VIPR1: variants seen among roughly 807,000 people sequenced by gnomAD.
VIPR1 encodes the protein vasoactive intestinal polypeptide receptor 1.
Under a neutral mutation model 58.8 loss-of-function variants are expected in VIPR1, and 59 were observed. The ratio of observed to expected loss-of-function variants is 1.00; its 90% CI spans 0.81 to 1.25. VIPR1 has a LOEUF of 1.25. Among genes scored for constraint, VIPR1 ranks in the 50% most tolerant of loss-of-function variants. The pLI, the probability that VIPR1 is intolerant of heterozygous loss-of-function variation, is 0.00. For missense variants in VIPR1, 626 were observed against 602.7 expected, an observed-to-expected ratio of 1.04 and a Z score of -0.40; for synonymous variants, 251 against 242.1, an observed-to-expected ratio of 1.04 and a Z score of -0.34.
At chr3:42,527,340 T>G (rs1180727525) in intron 4 of VIPR1, 53 bp from the exon 5 acceptor site, 2 of 1,269,844 alleles carry the variant, frequency 1.6e-6, no homozygotes, top group Non-Finnish European at 2.2e-6. Context: ...CAATACCCCC[T>G]AGATGAGCCT....
At chr3:42,510,295 T>C (rs1700302557) in intron 1 of VIPR1, among the ~76,000 whole-genome samples, 1 of 152,202 alleles carries the variant, frequency 6.6e-6, no homozygotes, top group South Asian at 2.1e-4. Context: ...GAGTACAGCA[T>C]ACCCATTCTG....
chr3:42,516,073 G>A (rs1219988038), intron 2 of VIPR1, among the ~76,000 whole-genome samples: 1 of 152,146 alleles, frequency 6.6e-6, no homozygotes, highest in Non-Finnish European at 1.5e-5. Flanking sequence ...ACATGTCAGT[G>A]TGTGTATCTC....
intron 6 of VIPR1, chr3:42,529,362 G>A (rs1264074179): frequency 6.6e-6 from 1 of 151,362 alleles, no homozygotes; most frequent in African/African-American, 2.4e-5. Flanking sequence ...CTACTCAGAA[G>A]GCTGAGGCAG....
At position 42,530,925 on chromosome 3, in the gene VIPR1, C is replaced by A. The variant is rs200387870; in HGVS notation, c.783C>A (p.Ile261=). 3.1e-6 allele frequency: 5 copies of A among 1,613,850 alleles called. No homozygotes were observed. The African/African-American group carries it at 6.7e-5, about 22-fold the overall frequency. ...ERKYFWGYIL[I]GWGVPSTFTM... Reference sequence around the variant, plus strand: ...AGTACTTCTGGGGGTACATACTCATCGGCTGGGGTATGGTACCAGGGAGGG... The same window carrying A: ...AGTACTTCTGGGGGTACATACTCATAGGCTGGGGTATGGTACCAGGGAGGG... Residue 261 remains isoleucine, a synonymous_variant, in exon 7 of 13, where the codon ATC becomes ATA. Coordinates refer to ENST00000325123, the MANE Select transcript of VIPR1 (RefSeq NM_004624.4).
intron 2 of VIPR1, among the ~76,000 whole-genome samples, chr3:42,518,512 G>A (rs1396461431): frequency 6.6e-6 from 1 of 152,224 alleles, no homozygotes; most frequent in Non-Finnish European, 1.5e-5. Context: ...GCCAAGGTGG[G>A]AGGATCACTT....
chr3:42,499,962 T>G (rs1699836327), upstream of VIPR1: 1 of 152,242 alleles, frequency 6.6e-6, no homozygotes, highest in African/African-American at 2.4e-5. Flanking sequence ...TAATGTTGGT[T>G]GAATTTTTTA....
At position 42,527,303 on chromosome 3, in the gene VIPR1, A is replaced by G. The variant is rs953723710; in HGVS notation, c.400-90A>G. The G allele has an allele frequency of 2.4e-5, 30 of 1,244,308 alleles. No individual in the cohort carries two copies. In the African/African-American group the frequency reaches 4.2e-4, roughly 17 times the overall value. The allele number at this position is 1,244,308 out of a possible 1,614,324, so 77.1% of individuals were successfully genotyped here. ...TTTGCTGAGGCAGGGTTGGGCAGGCAGAGTGTGTAGGGCACCCCACCCCTG... is the reference window on the plus strand; with the variant it reads ...TTTGCTGAGGCAGGGTTGGGCAGGCGGAGTGTGTAGGGCACCCCACCCCTG... On this transcript the variant is annotated intron_variant, in intron 4 of 12. Coordinates refer to ENST00000325123, the MANE Select transcript of VIPR1 (RefSeq NM_004624.4).
At chr3:42,516,530 T>C (rs1700635561) in intron 2 of VIPR1, 1 of 152,248 alleles carries the variant, frequency 6.6e-6, no homozygotes, top group African/African-American at 2.4e-5. Context: ...TTTCCTCTCT[T>C]CTGTCCCACT....
At chr3:42,495,224 C>T (rs551286014) in intron 1 of VIPR1, among the ~76,000 whole-genome samples, 22 of 152,150 alleles carry the variant, frequency 1.4e-4, no homozygotes, top group Admixed American at 4.6e-4. Context: ...CGGGTTCAAG[C>T]GATTCTCCTG....
In VIPR1 at chr3:42,536,460, CT is replaced by C. The variant is rs1701857055; in HGVS notation, c.*180del. Reference sequence around the variant, plus strand: ...TAGAGAACGCAGCCCTAGAGCCTGCCTGGAGCGTTTCTAGCAAGTGAGAGAG... The same window carrying C: ...TAGAGAACGCAGCCCTAGAGCCTGCCGGAGCGTTTCTAGCAAGTGAGAGAG... On this transcript the variant is annotated 3_prime_UTR_variant, in exon 13 of 13. Transcript: ENST00000325123. The C allele has an allele frequency of 5.1e-6, 3 of 585,596 alleles. No individual in the cohort carries two copies. In the East Asian group the frequency reaches 1.0e-4, roughly 20 times the overall value. 36.3% of individuals were successfully genotyped at this position (585,596 alleles called of 1,614,324 possible).
At chr3:42,509,943 A>G (rs1015469386) in intron 1 of VIPR1, among the ~76,000 whole-genome samples, 3 of 152,122 alleles carry the variant, frequency 2.0e-5, no homozygotes, top group Admixed American at 2.0e-4. Flanking sequence ...TTTCAGCCCC[A>G]CCACCTGCAA....
intron 4 of VIPR1, among the ~76,000 whole-genome samples, chr3:42,526,637 G>A (rs1038318499): frequency 1.3e-5 from 2 of 151,968 alleles, no homozygotes; most frequent in Non-Finnish European, 2.9e-5. Flanking sequence ...ACCCACCCCC[G>A]AGGACAGCAA....
chr3:42,529,458 C>G (rs1346376401), intron 6 of VIPR1: 6 of 107,896 alleles, frequency 5.6e-5, no homozygotes, highest in African/African-American at 1.9e-4. Flanking sequence ...GAGCAAGACT[C>G]CATCTCAAAA....
intron 9 of VIPR1, 178 bp from the exon 10 acceptor site, chr3:42,532,064 G>C: frequency 1.1e-6 from 1 of 881,978 alleles, no homozygotes; most frequent in African/African-American, 1.7e-5. Context: ...ACAGTCCTTA[G>C]GGATTTGAAG....
chr3:42,514,908 G>A (rs1009210552), intron 2 of VIPR1, among the ~76,000 whole-genome samples: 4 of 152,222 alleles, frequency 2.6e-5, no homozygotes, highest in Admixed American at 2.6e-4. Flanking sequence ...GACTTGGAGG[G>A]GTGAGCAGGT....
At chr3:42,529,003 C>A (rs1206223046) in intron 6 of VIPR1, among the ~76,000 whole-genome samples, 1 of 152,186 alleles carries the variant, frequency 6.6e-6, no homozygotes, top group Non-Finnish European at 1.5e-5. Flanking sequence ...AGCTGTGAGG[C>A]CAAGTCAGAC....
chr3:42,513,601 G>T, intron 1 of VIPR1, 148 bp from the exon 2 acceptor site: 1 of 803,070 alleles, frequency 1.2e-6, no homozygotes, highest in Non-Finnish European at 1.9e-6. Flanking sequence ...TTGGGGTCAG[G>T]TTCAGGTTTC....
chr3:42,512,794 C>G (rs149939611), intron 1 of VIPR1: 303 of 985,504 alleles, frequency 3.1e-4, no homozygotes, highest in Non-Finnish European at 3.3e-4. Context: ...GGCCAGCAAC[C>G]ACTTTTCTAA....
At position 42,536,248 on chromosome 3, in the gene VIPR1, C is replaced by T. The variant is rs1701839351; in HGVS notation, c.1341C>T (p.Ser447=). ...GCGTCAGCCCAGGTGCCCGCCGCTC[C>T]TCCAGCTTCCAAGCCGAAGTCTCCC... ...LTRVSPGARR[S]SSFQAEVSLV The change falls in exon 13 of 13, where the codon TCC becomes TCT. Residue 447 remains serine (S), a synonymous_variant. Transcript: ENST00000325123. 1.3e-6 allele frequency: 2 copies of T among 1,584,222 alleles called. No individual in the cohort carries two copies. Among genetic ancestry groups the T allele is most frequent in the African/African-American group, 2.7e-5 (2 of 74,508 alleles).
Sources: allele counts gnomAD v4.1 joint callset (sites outside exome capture counted in the v4.1 genomes callset), GRCh38; gene constraint gnomAD v4.1.1; transcripts MANE v1.5; gene names NCBI Gene and HGNC (gene_info 2026-07-23, HGNC 2026-07-21).